The following MAB21L4 variants were observed in gnomAD, a reference collection of about 807,000 sequenced individuals.
MAB21L4 encodes the protein protein mab-21-like 4.
A neutral mutation model predicts 32.4 loss-of-function variants in MAB21L4; 25 were observed. The ratio of observed to expected loss-of-function variants is 0.77; its 90% CI spans 0.56 to 1.08. The LOEUF is 1.08. Among genes scored for constraint, MAB21L4 ranks in the 50% least tolerant of loss-of-function variants. The pLI is 0.00. For missense variants in MAB21L4, 638 were observed against 611.0 expected (o/e 1.04, Z -0.47); for synonymous variants, 280 against 276.8 (o/e 1.01, Z -0.11).
intron 4 of MAB21L4, among the ~76,000 whole-genome samples, chr2:240,887,714 G>T (rs1011166630): frequency 4.6e-5 from 7 of 152,196 alleles, no homozygotes; most frequent in African/African-American, 1.7e-4. Context: ...GATTGTGTTT[G>T]CTCCTGGGAT....
chr2:240,887,296 G>C (rs747125238), intron 4 of MAB21L4, 134 bp from the exon 5 acceptor site: 5 of 689,166 alleles, frequency 7.3e-6, no homozygotes, highest in African/African-American at 1.8e-5. Flanking sequence ...CCGGGTATCT[G>C]CCTGGACAGG....
chr2:240,886,396 A>C lies in MAB21L4; in HGVS notation c.*674T>G, dbSNP rs1225608193. ...AATTCTACCTGAGATTTGGGTGGGGATACAGATACAATCCATATCAGGGGC... is the reference window on the plus strand; with the variant it reads ...AATTCTACCTGAGATTTGGGTGGGGCTACAGATACAATCCATATCAGGGGC... On this transcript the variant is annotated 3_prime_UTR_variant, in exon 5 of 5. Transcript: ENST00000388934. The C allele has an allele frequency of 6.6e-6, 1 of 152,148 alleles. No individual in the cohort carries two copies. Among genetic ancestry groups the C allele is most frequent in the Non-Finnish European group, 1.5e-5 (1 of 68,072 alleles). 9.4% of individuals were successfully genotyped at this position (152,148 alleles called of 1,614,324 possible).
At chr2:240,891,155 C>T (rs182827350) in intron 2 of MAB21L4, among the ~76,000 whole-genome samples, 24 of 152,276 alleles carry the variant, frequency 1.6e-4, no homozygotes, top group African/African-American at 4.6e-4. Flanking sequence ...TCAATGTGGA[C>T]GCACCCCCAC....
At chr2:240,892,954 C>T (rs1277916917) in intron 1 of MAB21L4, among the ~76,000 whole-genome samples, 2 of 152,168 alleles carry the variant, frequency 1.3e-5, no homozygotes, top group African/African-American at 4.8e-5. Context: ...TGCCCTACCC[C>T]CCCAAAAACA....
In MAB21L4 at chr2:240,887,169, G is replaced by T. The variant is rs760867514; in HGVS notation, c.1252-7C>A. On this transcript the variant is annotated splice_region_variant and splice_polypyrimidine_tract_variant and intron_variant, in intron 4 of 4. Transcript: ENST00000388934. Reference sequence around the variant, plus strand: ...GGATGTTGAAGACCTGGAACTACAGGCAGGGTTGCAGGGGAGAAGGGTTAC... The same window carrying T: ...GGATGTTGAAGACCTGGAACTACAGTCAGGGTTGCAGGGGAGAAGGGTTAC... 6.2e-7 allele frequency: 1 copy of T among 1,611,264 alleles called. No homozygotes were observed. Among genetic ancestry groups the T allele is most frequent in the South Asian group, 1.1e-5 (1 of 91,024 alleles).
chr2:240,890,563 C>T (rs921901005), intron 2 of MAB21L4, among the ~76,000 whole-genome samples: 2 of 152,194 alleles, frequency 1.3e-5, no homozygotes, highest in African/African-American at 4.8e-5. Context: ...TGCTCCACAC[C>T]CCAGCCCCGC....
In MAB21L4 at chr2:240,895,626, G is replaced by A; in HGVS notation, c.372C>T (p.Thr124=). The change falls in exon 1 of 5, where the codon ACC becomes ACT. Residue 124 remains threonine (T), a synonymous_variant. Transcript: ENST00000388934. ...PREGAGLERW[T]TEDTFTASSE... ...AGGAGGCAGTGAAGGTATCCTCGGTGGTCCACCGCTCCAGGCCAGCCCCTT... is the reference window on the plus strand; with the variant it reads ...AGGAGGCAGTGAAGGTATCCTCGGTAGTCCACCGCTCCAGGCCAGCCCCTT... 1 of 1,612,900 alleles carries A rather than the reference G, an allele frequency of 6.2e-7. No homozygotes were observed. Among genetic ancestry groups the A allele is most frequent in the Non-Finnish European group, 8.5e-7 (1 of 1,180,004 alleles).
At chr2:240,895,458 G>A (rs3936205) in intron 1 of MAB21L4, 26 bp downstream of exon 1, 305,464 of 1,498,310 alleles carry the variant, frequency 0.2, 32,492 homozygotes, top group East Asian at 0.33. Context: ...ACGCAGATAC[G>A]CGTGCAGAGT....
chr2:240,892,202 G>A (rs531302427), intron 1 of MAB21L4, among the ~76,000 whole-genome samples: 3 of 152,246 alleles, frequency 2.0e-5, no homozygotes, highest in East Asian at 1.9e-4. Context: ...ACCTCCTGAC[G>A]ATGGCCCTGG....
intron 1 of MAB21L4, among the ~76,000 whole-genome samples, chr2:240,894,061 C>T (rs536567837): frequency 3.0e-4 from 46 of 152,094 alleles, no homozygotes; most frequent in African/African-American, 9.9e-4. Context: ...AGAATCCACC[C>T]TCCTGGCCTC....
In MAB21L4 at chr2:240,888,400, G is replaced by A. The variant is rs1483272736; in HGVS notation, c.1143C>T (p.Gly381=). The A allele has an allele frequency of 2.6e-6, 4 of 1,556,038 alleles. No individual in the cohort carries two copies. The highest frequency in any genetic ancestry group is 3.5e-6 in the Non-Finnish European group (4 of 1,154,210). The change falls in exon 4 of 5, where the codon GGC becomes GGT. Residue 381 remains glycine (G), a synonymous_variant. Coordinates refer to ENST00000388934, the MANE Select transcript of MAB21L4 (RefSeq NM_001085437.3). ...AALRIHATHL[G]RSPPPRIGSG... ...AGCCGATGCGCGGCGGGGGGCTGCG[G>A]CCCAGGTGGGTGGCGTGGATGCGCA...
chr2:240,889,858 C>T lies in MAB21L4; in HGVS notation c.894+147G>A, dbSNP rs116343647. ...GAGCCACGGCCTCACCTCCTCAGAA[C>T]CTGGGCAGGCCCTCAGAATCCCCCC... On this transcript the variant is annotated intron_variant, in intron 3 of 4. Transcript: ENST00000388934. 1,680 of 974,494 alleles carry T rather than the reference C, an allele frequency of 1.7e-3. 29 individuals are homozygous for T. The African/African-American group carries it at 0.026, about 15-fold the overall frequency. 60.4% of individuals were successfully genotyped at this position (974,494 alleles called of 1,614,324 possible).
rs554451321 is a variant in MAB21L4 at position 240,891,422 on chromosome 2, G to A, written c.740+116C>T. On this transcript the variant is annotated intron_variant, in intron 2 of 4. Coordinates refer to ENST00000388934, the MANE Select transcript of MAB21L4 (RefSeq NM_001085437.3). ...CAGTGGAACACACATGCCCATGGGGGCAGAGGCAGACGGAGGACCCTGCAG... is the reference window on the plus strand; with the variant it reads ...CAGTGGAACACACATGCCCATGGGGACAGAGGCAGACGGAGGACCCTGCAG... 2,632 of 942,726 alleles carry A rather than the reference G, an allele frequency of 2.8e-3. 13 individuals are homozygous for A. The highest frequency in any genetic ancestry group is 6.0e-3 in the Middle Eastern group (21 of 3,490). The allele number at this position is 942,726 out of a possible 1,614,324, so 58.4% of individuals were successfully genotyped here. A position where few individuals can be genotyped will look rare whatever the true frequency, so the allele number is the denominator to read the frequency against.
At chr2:240,890,722 C>T (rs1332790749) in intron 2 of MAB21L4, among the ~76,000 whole-genome samples, 7 of 152,202 alleles carry the variant, frequency 4.6e-5, no homozygotes, top group African/African-American at 7.2e-5. Flanking sequence ...CAGTGTCCCC[C>T]GCAAGCCTAC....
chr2:240,893,460 C>T (rs959663022), intron 1 of MAB21L4, among the ~76,000 whole-genome samples: 3 of 152,238 alleles, frequency 2.0e-5, no homozygotes, highest in Non-Finnish European at 4.4e-5. Flanking sequence ...CTAGTGGCCA[C>T]ACACCTCATC....
chr2:240,891,974 A>G, intron 1 of MAB21L4: 2 of 1,542,340 alleles, frequency 1.3e-6, no homozygotes, highest in African/African-American at 1.4e-5. Flanking sequence ...GCTGGCCACC[A>G]TGCCTGCCCA....
chr2:240,889,759 G>A (rs2059127545), intron 3 of MAB21L4, among the ~76,000 whole-genome samples: 1 of 152,218 alleles, frequency 6.6e-6, no homozygotes, highest in South Asian at 2.1e-4. Context: ...GGGCCTCCGA[G>A]GTCACGGCCT....
At position 240,895,594 on chromosome 2, in the gene MAB21L4, C is replaced by T. The variant is rs756591935; in HGVS notation, c.404G>A (p.Gly135Asp). 1.9e-5 allele frequency: 30 copies of T among 1,612,694 alleles called. No individual in the cohort carries two copies. The highest frequency in any genetic ancestry group is 2.4e-5 in the Non-Finnish European group (28 of 1,179,954). Residue 135 changes from glycine (G) to aspartate (D), a missense_variant, in exon 1 of 5, where the codon GGT becomes GAT. Coordinates refer to ENST00000388934, the MANE Select transcript of MAB21L4 (RefSeq NM_001085437.3). The part of the protein sequence containing the change: ...TEDTFTASSE[G>D]DAKCRGHIVP... ...AATGTGTCCACGGCACTTGGCGTCACCCTCCGAGGAGGCAGTGAAGGTATC... is the reference window on the plus strand; with the variant it reads ...AATGTGTCCACGGCACTTGGCGTCATCCTCCGAGGAGGCAGTGAAGGTATC...
At chr2:240,890,418 G>A (rs1289255175) in intron 2 of MAB21L4, among the ~76,000 whole-genome samples, 2 of 152,232 alleles carry the variant, frequency 1.3e-5, no homozygotes, top group Non-Finnish European at 2.9e-5. Flanking sequence ...CCTTTGTGTA[G>A]ACAGGAAGGT....
Sources: allele counts gnomAD v4.1 joint callset (sites outside exome capture counted in the v4.1 genomes callset), GRCh38; gene constraint gnomAD v4.1.1; transcripts MANE v1.5; gene names NCBI Gene and HGNC (gene_info 2026-07-23, HGNC 2026-07-21).